The following BCL11B variants were observed in gnomAD, a reference collection of about 807,000 sequenced individuals.
The protein encoded by BCL11B is B-cell lymphoma/leukemia 11B.
A neutral mutation model predicts 49.9 loss-of-function variants in BCL11B; 8 were observed. That is an observed-to-expected ratio of 0.16 (90% CI 0.09 to 0.29). The LOEUF (loss-of-function observed/expected upper bound fraction) is 0.29. BCL11B is among the 10% of genes least tolerant of loss of function. The pLI, the probability that BCL11B is intolerant of heterozygous loss-of-function variation, is 1.00. For synonymous variants in BCL11B, 739 were observed against 637.4 expected (o/e 1.16, Z -2.40); for missense variants, 1,006 against 1,351.0 (o/e 0.74, Z 4.00).
chr14:99,228,088 C>T lies in BCL11B; in HGVS notation c.640+3257G>A, dbSNP rs139734746. On this transcript the variant is annotated intron_variant, in intron 3 of 3. Coordinates refer to ENST00000357195, the MANE Select transcript of BCL11B (RefSeq NM_138576.4). This position sits in a 1 kb window ranked among gnomAD's most constrained non-coding sequence, Gnocchi z 4.8. ...ATAACTGCAGATGCGGTAACAGGCA[C>T]GCAATTAACCTGTGTGAAACACGTT... Among the ~76,000 whole-genome samples the T allele has an allele frequency of 1.2e-4, 18 of 152,272 alleles. No individual in the cohort carries two copies. The highest frequency in any genetic ancestry group is 6.8e-3 in the Middle Eastern group (2 of 294).
At chr14:99,222,388 T>G (rs1235437294) in intron 3 of BCL11B, among the ~76,000 whole-genome samples, 1 of 152,092 alleles carries the variant, frequency 6.6e-6, no homozygotes, top group Non-Finnish European at 1.5e-5. Flanking sequence ...TTCTGAGTCT[T>G]CATCATCCCC....
intron 3 of BCL11B, among the ~76,000 whole-genome samples, chr14:99,199,767 A>C (rs1887321215): frequency 6.6e-6 from 1 of 151,686 alleles, no homozygotes; most frequent in South Asian, 2.1e-4. Flanking sequence ...CTGTCTTCTA[A>C]AGGGGAAAAG....
At chr14:99,258,573 T>A (rs1889243584) in intron 1 of BCL11B, among the ~76,000 whole-genome samples, 1 of 152,098 alleles carries the variant, frequency 6.6e-6, no homozygotes, top group African/African-American at 2.4e-5. Flanking sequence ...AAGCAACAAG[T>A]GAGTGTCAGG....
At position 99,194,260 on chromosome 14, in the gene BCL11B, C is replaced by A. The variant is rs1378148230; in HGVS notation, c.641-18065G>T. ...AGTGCTGCTGGCCCCGGACTGTCCC[C>A]CAGCAGCAGAAGTCACAGTCAGCAA... On this transcript the variant is annotated intron_variant, in intron 3 of 3. Transcript: ENST00000357195. The surrounding 1 kb of genome is among the most constrained non-coding windows in gnomAD (Gnocchi z 4.6). 6.6e-6 allele frequency among the ~76,000 whole-genome samples: 1 copy of A among 152,168 alleles called. No homozygotes were observed. The highest frequency in any genetic ancestry group is 1.5e-5 in the Non-Finnish European group (1 of 68,028).
chr14:99,175,690 C>T lies in BCL11B; in HGVS notation c.1146G>A (p.Pro382=). 2 of 1,520,124 alleles carry T rather than the reference C, an allele frequency of 1.3e-6. No homozygotes were observed. The highest frequency in any genetic ancestry group is 1.7e-6 in the Non-Finnish European group (2 of 1,148,688). 94.2% of individuals were successfully genotyped at this position (1,520,124 alleles called of 1,614,324 possible). The change falls in exon 4 of 4, where the codon CCG becomes CCA. Residue 382 remains proline, a synonymous_variant. Coordinates refer to ENST00000357195, the MANE Select transcript of BCL11B (RefSeq NM_138576.4). ...GNSSTPPPVS[P]GRGNPMHRLL... is the part of the protein sequence containing the mutation. The stretch of plus-strand genomic sequence containing the variant: ...GCCGGTGCATAGGGTTGCCGCGGCC[C>T]GGGGACACGGGCGGCGGCGTGGAGC...
intron 3 of BCL11B, among the ~76,000 whole-genome samples, chr14:99,215,377 C>T (rs1453131979): frequency 6.6e-6 from 1 of 152,196 alleles, no homozygotes; most frequent in Non-Finnish European, 1.5e-5. Context: ...TGGCCGCGGC[C>T]CCTGCCAAAG....
Position 99,175,715 on chromosome 14 carries a change from C to G in BCL11B, c.1121G>C (p.Ser374Thr). 6.7e-7 allele frequency: 1 copy of G among 1,497,424 alleles called. No homozygotes were observed. Among genetic ancestry groups the G allele is most frequent in the South Asian group, 1.3e-5 (1 of 75,222 alleles). The allele number at this position is 1,497,424 out of a possible 1,614,324, so 92.8% of individuals were successfully genotyped here. The change falls in exon 4 of 4, where the codon AGC becomes ACC. Residue 374 changes from serine to threonine, a missense_variant. Ser to Thr is a moderately conservative substitution (Grantham distance 58). This residue lies in a region of BCL11B where 97 missense variants were observed against 81.5 expected (regional missense o/e 1.19). Coordinates refer to ENST00000357195, the MANE Select transcript of BCL11B (RefSeq NM_138576.4). The stretch of plus-strand genomic sequence containing the variant: ...CGGGGACACGGGCGGCGGCGTGGAG[C>G]TGTTGCCCGCCAGCTCGCGGAGCCG... ...SRRLRELAGN[S>T]STPPPVSPGR...
In BCL11B at chr14:99,175,768, G is replaced by T. The variant is rs777050623; in HGVS notation, c.1068C>A (p.Ile356=). The T allele has an allele frequency of 2.7e-6, 4 of 1,467,974 alleles. No homozygotes were observed. Among genetic ancestry groups the T allele is most frequent in the African/African-American group, 1.5e-5 (1 of 67,412 alleles). 90.9% of individuals were successfully genotyped at this position (1,467,974 alleles called of 1,614,324 possible). The part of the protein sequence containing the change: ...DRVMRLNPMA[I]DSPAMDFSRR... ...GCGAGAAGTCCATGGCGGGCGAGTC[G>T]ATGGCCATGGGGTTCAGGCGCATGA... The change falls in exon 4 of 4, where the codon ATC becomes ATA. Residue 356 remains isoleucine (I), a synonymous_variant. Coordinates refer to ENST00000357195, the MANE Select transcript of BCL11B (RefSeq NM_138576.4).
At position 99,257,490 on chromosome 14, in the gene BCL11B, G is replaced by C; in HGVS notation, c.408C>G (p.Pro136=). ...HLLSPTKGIC[P]KQENIAGPCR... The stretch of plus-strand genomic sequence containing the variant: ...CCATACCTGCAATGTTCTCCTGCTT[G>C]GGACAGATGCCTTTCGTGGGTGAGA... The change falls in exon 2 of 4, where the codon CCC becomes CCG. Residue 136 remains proline (P), a synonymous_variant. Coordinates refer to ENST00000357195, the MANE Select transcript of BCL11B (RefSeq NM_138576.4). The surrounding 1 kb of genome is among the most constrained non-coding windows in gnomAD (Gnocchi z 6.2). 6 of 1,606,424 alleles carry C rather than the reference G, an allele frequency of 3.7e-6. No individual in the cohort carries two copies. Among genetic ancestry groups the C allele is most frequent in the Non-Finnish European group, 4.3e-6 (5 of 1,174,714 alleles).
Position 99,241,808 on chromosome 14 carries a change from G to A in BCL11B, c.428-10251C>T, listed in dbSNP as rs962006696. Among the ~76,000 whole-genome samples the A allele has an allele frequency of 6.6e-5, 10 of 152,214 alleles. No individual in the cohort carries two copies. Among genetic ancestry groups the A allele is most frequent in the African/African-American group, 2.2e-4 (9 of 41,510 alleles). ...AAAATCCAGCAGCTTCCTTGGCAGC[G>A]AGAAAGGCTGGCTGGCATTATCCCC... On this transcript the variant is annotated intron_variant, in intron 2 of 3. Transcript: ENST00000357195. This position sits in a 1 kb window ranked among gnomAD's most constrained non-coding sequence, Gnocchi z 4.4.
At chr14:99,251,595 G>A (rs1414150944) in intron 2 of BCL11B, among the ~76,000 whole-genome samples, 2 of 152,086 alleles carry the variant, frequency 1.3e-5, no homozygotes, top group African/African-American at 2.4e-5. Flanking sequence ...TAAAATTCTG[G>A]CCCAGGTGCA....
At chr14:99,234,958 C>G (rs1019900175) in intron 2 of BCL11B, among the ~76,000 whole-genome samples, 5 of 151,540 alleles carry the variant, frequency 3.3e-5, no homozygotes, top group African/African-American at 1.2e-4. Flanking sequence ...ATTCTTGATG[C>G]CTTCATGGGT....
intron 3 of BCL11B, among the ~76,000 whole-genome samples, chr14:99,187,563 G>C (rs562634456): frequency 6.8e-4 from 103 of 152,082 alleles, no homozygotes; most frequent in Non-Finnish European, 1.2e-3. Context: ...CTAGAACTCT[G>C]GGGACAGGAA....
In BCL11B at chr14:99,269,205, G is replaced by A. The variant is rs112093172; in HGVS notation, c.58+1956C>T. On this transcript the variant is annotated intron_variant, in intron 1 of 3. Coordinates refer to ENST00000357195, the MANE Select transcript of BCL11B (RefSeq NM_138576.4). ...AAACAACCCTTGCAATTATACAGAG[G>A]CTACGTGGGGCAAATTGCCTCCTGG... 6.0e-3 allele frequency among the ~76,000 whole-genome samples: 870 copies of A among 144,684 alleles called. 12 individuals carry two copies. The highest frequency in any genetic ancestry group is 0.021 in the African/African-American group (824 of 38,834). 94.9% of individuals were successfully genotyped at this position (144,684 alleles called of 152,430 possible). A position where few individuals can be genotyped will look rare whatever the true frequency, so the allele number is the denominator to read the frequency against.
At position 99,175,147 on chromosome 14, in the gene BCL11B, G is replaced by A; in HGVS notation, c.1689C>T (p.Ser563=). The change falls in exon 4 of 4, where the codon AGC becomes AGT. Residue 563 remains serine, a synonymous_variant. Coordinates refer to ENST00000357195, the MANE Select transcript of BCL11B (RefSeq NM_138576.4). ...ESSFSMDSEL[S]RNRENGGGGV... ...CACCACCGCCGTTCTCGCGGTTGCG[G>A]CTCAGCTCCGAGTCCATGCTGAAGC... is the stretch of plus-strand genomic sequence containing the variant. 1 of 1,594,740 alleles carries A rather than the reference G, an allele frequency of 6.3e-7. No individual in the cohort carries two copies. The highest frequency in any genetic ancestry group is 1.7e-5 in the Admixed American group (1 of 58,632).
intron 2 of BCL11B, among the ~76,000 whole-genome samples, chr14:99,245,320 A>G (rs1323527114): frequency 6.6e-6 from 1 of 152,252 alleles, no homozygotes; most frequent in African/African-American, 2.4e-5. Context: ...TAATTCCAGG[A>G]GCTTCGGTGT....
intron 1 of BCL11B, among the ~76,000 whole-genome samples, chr14:99,258,822 A>G (rs915495203): frequency 5.3e-5 from 8 of 152,250 alleles, no homozygotes; most frequent in African/African-American, 1.9e-4. Context: ...CATTTCTTGG[A>G]AGATATCAAA....
chr14:99,227,081 C>A (rs1262643988), intron 3 of BCL11B, among the ~76,000 whole-genome samples: 1 of 152,198 alleles, frequency 6.6e-6, no homozygotes, highest in African/African-American at 2.4e-5. Context: ...TGGCTGATGA[C>A]CATTTGCAGC....
In BCL11B at chr14:99,173,458, G is replaced by C. The variant is rs1019317463; in HGVS notation, c.*693C>G. On this transcript the variant is annotated 3_prime_UTR_variant, in exon 4 of 4. Coordinates refer to ENST00000357195, the MANE Select transcript of BCL11B (RefSeq NM_138576.4). Reference sequence around the variant, plus strand: ...GGCCGCTTGACTCGGGACGACATGAGTGCTACATCTCCATTCCAGTTCTGA... The same window carrying C: ...GGCCGCTTGACTCGGGACGACATGACTGCTACATCTCCATTCCAGTTCTGA... 4.6e-6 allele frequency: 1 copy of C among 215,852 alleles called. No individual in the cohort carries two copies. Among genetic ancestry groups the C allele is most frequent in the African/African-American group, 2.3e-5 (1 of 44,220 alleles). The allele number at this position is 215,852 out of a possible 1,614,324, so 13.4% of individuals were successfully genotyped here. A position where few individuals can be genotyped will look rare whatever the true frequency, so the allele number is the denominator to read the frequency against.
Sources: allele counts gnomAD v4.1 joint callset (sites outside exome capture counted in the v4.1 genomes callset), GRCh38; gene constraint gnomAD v4.1.1; regional missense constraint gnomAD v4.1.1; non-coding constraint Gnocchi (gnomAD v3.1); transcripts MANE v1.5; gene names NCBI Gene and HGNC (gene_info 2026-07-23, HGNC 2026-07-21).